RHOD: variants seen among roughly 807,000 people sequenced by gnomAD.
The protein encoded by RHOD is rho-related GTP-binding protein RhoD.
Under a neutral mutation model 16.7 loss-of-function variants are expected in RHOD, and 11 were observed. That is an observed-to-expected ratio of 0.66 (90% confidence interval 0.41 to 1.09). RHOD has a LOEUF of 1.09. Among genes scored for constraint, RHOD ranks in the 50% least tolerant of loss-of-function variants. RHOD has a pLI of 0.00. For synonymous variants in RHOD, 124 were observed against 126.3 expected (o/e 0.98, Z 0.12); for missense variants, 271 against 291.7 (o/e 0.93, Z 0.52).
Position 67,066,003 on chromosome 11 carries a change from G to A in RHOD, c.220+20G>A, listed in dbSNP as rs1284681537. The A allele has an allele frequency of 7.7e-7, 1 of 1,304,114 alleles. No homozygotes were observed. The highest frequency in any genetic ancestry group is 1.1e-6 in the Non-Finnish European group (1 of 901,950). 80.8% of individuals were successfully genotyped at this position (1,304,114 alleles called of 1,614,324 possible). On this transcript the variant is annotated intron_variant, in intron 2 of 4. Transcript: ENST00000308831. ...CAGCAGGTGGGTGTGCAGGGGTGGG[G>A]CAGGGTGGGAGGGGCTTCTGTGGGC... is the stretch of plus-strand genomic sequence containing the variant.
intron 1 of RHOD, among the ~76,000 whole-genome samples, chr11:67,058,994 G>A (rs1208687189): frequency 2.0e-5 from 3 of 152,212 alleles, no homozygotes; most frequent in Non-Finnish European, 4.4e-5. Flanking sequence ...GGCGGGGGCT[G>A]GAGGGCTGAT....
chr11:67,058,713 T>C (rs1174306121), intron 1 of RHOD, among the ~76,000 whole-genome samples: 1 of 152,192 alleles, frequency 6.6e-6, no homozygotes, highest in Non-Finnish European at 1.5e-5. Flanking sequence ...CCAGTTCTTA[T>C]CACACTGTAG....
At chr11:67,063,322 C>A (rs1287697974) in intron 1 of RHOD, among the ~76,000 whole-genome samples, 1 of 151,832 alleles carries the variant, frequency 6.6e-6, no homozygotes, top group African/African-American at 2.4e-5. Flanking sequence ...AAAACCCTGT[C>A]TCTACGAAAA....
At chr11:67,067,416 T>A (rs989816884) in intron 3 of RHOD, among the ~76,000 whole-genome samples, 1 of 152,148 alleles carries the variant, frequency 6.6e-6, no homozygotes, top group African/African-American at 2.4e-5. Flanking sequence ...GGTGACAATT[T>A]TAAGGACTGA....
intron 4 of RHOD, 55 bp from the exon 5 acceptor site, chr11:67,071,380 C>T (rs986301965): frequency 6.1e-6 from 9 of 1,487,334 alleles, no homozygotes; most frequent in Admixed American, 2.1e-5. Context: ...GAAGCGAGAA[C>T]GTGAGGCCTG....
At position 67,066,780 on chromosome 11, in the gene RHOD, A is replaced by G. The variant is rs1183964369; in HGVS notation, c.263A>G (p.Asp88Gly). 5 of 1,614,044 alleles carry G rather than the reference A, an allele frequency of 3.1e-6. No individual in the cohort carries two copies. The highest frequency in any genetic ancestry group is 4.2e-6 in the Non-Finnish European group (5 of 1,179,918). ...CGCCTGCGGCCCCTGTTCTACCCTG[A>G]CGCCAGCGTCCTGCTGCTTTGCTTC... ...YDRLRPLFYP[D>G]ASVLLLCFDV... Residue 88 changes from aspartate to glycine, a missense_variant, in exon 3 of 5, where the codon GAC (aspartate) becomes GGC (glycine). Asp to Gly is a moderately conservative substitution (Grantham distance 94). Transcript: ENST00000308831.
At chr11:67,061,755 A>AATATATATAT (rs1264429454) in intron 1 of RHOD, among the ~76,000 whole-genome samples, 1 of 127,250 alleles carries the variant, frequency 7.9e-6, no homozygotes, top group African/African-American at 3.2e-5. Flanking sequence ...AAAAAAAAAA[A>AATATATATAT]ATATATATAT....
At position 67,057,675 on chromosome 11, in the gene RHOD, C is replaced by T. The variant is rs1393295389; in HGVS notation, c.132+641C>T. Among the ~76,000 whole-genome samples the T allele has an allele frequency of 3.3e-5, 5 of 152,240 alleles. No homozygotes were observed. The East Asian group carries it at 7.7e-4, about 23-fold the overall frequency. On this transcript the variant is annotated intron_variant, in intron 1 of 4. Coordinates refer to ENST00000308831, the MANE Select transcript of RHOD (RefSeq NM_014578.4). ...GCTGTAGCCTCAGCTGCTGGGCCCG[C>T]GTCTCTGCTCTCCTCTGAGCCCCGT...
intron 1 of RHOD, among the ~76,000 whole-genome samples, chr11:67,058,634 A>C (rs1204421866): frequency 6.6e-6 from 1 of 152,154 alleles, no homozygotes. Context: ...TCTTCCCAGC[A>C]TCCTCTAAGC....
intron 3 of RHOD, among the ~76,000 whole-genome samples, chr11:67,069,684 T>C (rs1031974832): frequency 6.7e-6 from 1 of 149,612 alleles, no homozygotes; most frequent in Non-Finnish European, 1.5e-5. Flanking sequence ...TATTTTTATC[T>C]TTTTAATTGA....
At chr11:67,057,713 C>A (rs963968155) in intron 1 of RHOD, among the ~76,000 whole-genome samples, 7 of 152,238 alleles carry the variant, frequency 4.6e-5, no homozygotes, top group Non-Finnish European at 1.0e-4. Context: ...CCTTTTGTAA[C>A]CTGCTTAGCT....
chr11:67,068,748 A>C (rs1268805154), intron 3 of RHOD, among the ~76,000 whole-genome samples: 1 of 151,144 alleles, frequency 6.6e-6, no homozygotes, highest in Non-Finnish European at 1.5e-5. Flanking sequence ...CGGAGGTTGC[A>C]GTGAGCCAAG....
At chr11:67,070,871 G>A (rs561199040) in intron 4 of RHOD, among the ~76,000 whole-genome samples, 36 of 152,208 alleles carry the variant, frequency 2.4e-4, no homozygotes, top group Non-Finnish European at 4.3e-4. Flanking sequence ...TCTGCTACAC[G>A]TCTGGGTTCA....
At chr11:67,063,800 CAAAAAAAAAAAAA>C (rs71045978) in intron 1 of RHOD, among the ~76,000 whole-genome samples, 1 of 37,950 alleles carries the variant, frequency 2.6e-5, no homozygotes, top group Admixed American at 4.2e-4. Context: ...GACTCTCTCT[CAAAAAAAAAAAAA>C]AAAAAAAAAA....
intron 1 of RHOD, among the ~76,000 whole-genome samples, chr11:67,059,119 A>G (rs560219605): frequency 1.3e-5 from 2 of 152,320 alleles, no homozygotes; most frequent in South Asian, 4.1e-4. Flanking sequence ...TTTGAGGGAC[A>G]TGCTGGGGCT....
intron 1 of RHOD, among the ~76,000 whole-genome samples, chr11:67,062,568 C>T (rs1379324744): frequency 1.3e-5 from 2 of 152,230 alleles, no homozygotes; most frequent in African/African-American, 2.4e-5. Context: ...ATCCAGACTT[C>T]TCCATCTTCC....
At chr11:67,064,120 A>AGGAAAAAGAG (rs1365376614) in intron 1 of RHOD, among the ~76,000 whole-genome samples, 1 of 142,890 alleles carries the variant, frequency 7.0e-6, no homozygotes. Flanking sequence ...AAAAAAAAAA[A>AGGAAAAAGAG]AAAAGGCCGG....
At chr11:67,063,615 T>G (rs532521650) in intron 1 of RHOD, among the ~76,000 whole-genome samples, 1 of 148,796 alleles carries the variant, frequency 6.7e-6, no homozygotes, top group Non-Finnish European at 1.5e-5. Context: ...CTGGCTAATA[T>G]GGTGAAACCC....
At chr11:67,065,132 A>G (rs932271529) in intron 1 of RHOD, among the ~76,000 whole-genome samples, 2 of 151,656 alleles carry the variant, frequency 1.3e-5, no homozygotes, top group African/African-American at 2.4e-5. Context: ...CTGGAATGCA[A>G]TGGCGCGATC....
Sources: allele counts gnomAD v4.1 joint callset (sites outside exome capture counted in the v4.1 genomes callset), GRCh38; gene constraint gnomAD v4.1.1; transcripts MANE v1.5; gene names NCBI Gene and HGNC (gene_info 2026-07-23, HGNC 2026-07-21).